The following DNAH2 variants were observed in gnomAD, a reference collection of about 807,000 sequenced individuals.
DNAH2 encodes dynein axonemal heavy chain 2.
DNAH2 carries 323 observed loss-of-function variants against 523.5 expected under a neutral mutation model. The ratio of observed to expected loss-of-function variants is 0.62; its 90% CI spans 0.56 to 0.68. The LOEUF is 0.68. DNAH2 is among the 30% of genes least tolerant of loss of function. The pLI, the probability that DNAH2 is intolerant of heterozygous loss-of-function variation, is 0.00. For synonymous variants in DNAH2, 2,093 were observed against 2,177.4 expected (o/e 0.96, Z 1.08); for missense variants, 4,907 against 5,701.5 (o/e 0.86, Z 4.49).
At chr17:7,736,422 A>C (rs1443277427) in intron 7 of DNAH2, among the ~76,000 whole-genome samples, 1 of 152,230 alleles carries the variant, frequency 6.6e-6, no homozygotes, top group East Asian at 1.9e-4. Flanking sequence ...ATATGCGGCC[A>C]GTTGATCCGA....
At chr17:7,823,716 T>G (rs972764680) in intron 74 of DNAH2, 88 bp downstream of exon 74, 7 of 1,578,526 alleles carry the variant, frequency 4.4e-6, no homozygotes, top group Non-Finnish European at 6.0e-6. Flanking sequence ...CCATCCCCTC[T>G]CCCAGCTGGT....
chr17:7,801,601 C>T lies in DNAH2; in HGVS notation c.8723C>T (p.Ala2908Val). The change falls in exon 57 of 86, where the codon GCC becomes GTC. Residue 2908 changes from alanine (A) to valine (V), a missense_variant. This residue lies in a region of DNAH2 where 1,851 missense variants were observed against 2,139.4 expected (regional missense o/e 0.87). Transcript: ENST00000572933. Reference protein sequence around the residue: ...PFRNWIRQYPALVNCTTINWF... With the variant: ...PFRNWIRQYPVLVNCTTINWF... ...AGGAACTGGATCCGCCAGTACCCAGCCTTGGTGAACTGCACAACCATCAAC... is the reference window on the plus strand; with the variant it reads ...AGGAACTGGATCCGCCAGTACCCAGTCTTGGTGAACTGCACAACCATCAAC... 1 of 1,614,198 alleles carries T rather than the reference C, an allele frequency of 6.2e-7. No individual in the cohort carries two copies. Among genetic ancestry groups the T allele is most frequent in the Non-Finnish European group, 8.5e-7 (1 of 1,180,032 alleles).
intron 20 of DNAH2, 78 bp downstream of exon 20, chr17:7,764,351 G>C: frequency 1.3e-6 from 2 of 1,521,674 alleles, no homozygotes; most frequent in Non-Finnish European, 8.9e-7. Context: ...GCTGTCCTCG[G>C]GGAGAGTAGA....
chr17:7,776,334 T>C (rs2076452366), intron 31 of DNAH2, among the ~76,000 whole-genome samples, 185 bp downstream of exon 31: 1 of 152,094 alleles, frequency 6.6e-6, no homozygotes, highest in African/African-American at 2.4e-5. Flanking sequence ...GGTGTGGTGG[T>C]GTGCTCCTGT....
Position 7,732,994 on chromosome 17 carries a change from G to A in DNAH2, c.400-93G>A, listed in dbSNP as rs939683862. On this transcript the variant is annotated intron_variant, in intron 4 of 85. Transcript: ENST00000572933. ...ATTTAGAGAAGGATCAGGATACCCT[G>A]AGGGACGTGAGAAAGAACTCAGCCG... is the stretch of plus-strand genomic sequence containing the variant. 32 of 1,264,134 alleles carry A rather than the reference G, an allele frequency of 2.5e-5. 1 individual carries two copies. Among genetic ancestry groups the A allele is most frequent in the Non-Finnish European group, 3.5e-5 (31 of 888,348 alleles). 78.3% of individuals were successfully genotyped at this position (1,264,134 alleles called of 1,614,324 possible).
chr17:7,745,817 A>C (rs1158876269), intron 12 of DNAH2, among the ~76,000 whole-genome samples: 1 of 151,852 alleles, frequency 6.6e-6, no homozygotes, highest in Non-Finnish European at 1.5e-5. Flanking sequence ...AAAAGAAAAG[A>C]AAAAAGAAAT....
intron 76 of DNAH2, 23 bp downstream of exon 76, chr17:7,824,327 ACCC>A: frequency 6.8e-7 from 1 of 1,477,308 alleles, no homozygotes; most frequent in South Asian, 1.4e-5. Context: ...CCTTTCTTCC[ACCC>A]CCATCTTCAG....
In DNAH2 at chr17:7,777,601, C is replaced by A; in HGVS notation, c.5214C>A (p.Asp1738Glu). 1 of 1,614,196 alleles carries A rather than the reference C, an allele frequency of 6.2e-7. No individual in the cohort carries two copies. The highest frequency in any genetic ancestry group is 8.5e-7 in the Non-Finnish European group (1 of 1,180,032). The change falls in exon 33 of 86, where the codon GAC becomes GAA. Residue 1738 changes from aspartate to glutamate, a missense_variant. By Grantham distance (45) the Asp-to-Glu change is conservative. This residue lies in a region of DNAH2 where 2,806 missense variants were observed against 3,190.8 expected (regional missense o/e 0.88). Coordinates refer to ENST00000572933, the MANE Select transcript of DNAH2 (RefSeq NM_020877.5). ...GCCTCATGGATGTCAATTCCTTTGA[C>A]TGGCTCAGCCAACTTCGGTTCTACT... ...KSGLMDVNSF[D>E]WLSQLRFYWE...
At chr17:7,820,903 G>A (rs2077832829) in intron 72 of DNAH2, among the ~76,000 whole-genome samples, 1 of 152,112 alleles carries the variant, frequency 6.6e-6, no homozygotes, top group South Asian at 2.1e-4. Context: ...GCCAGGCGTG[G>A]TGATGGGCTC....
chr17:7,826,953 T>C (rs148040341), intron 77 of DNAH2, among the ~76,000 whole-genome samples: 3 of 152,254 alleles, frequency 2.0e-5, no homozygotes, highest in Non-Finnish European at 4.4e-5. Flanking sequence ...TTCTGAATCT[T>C]GTATTTGTCA....
chr17:7,736,106 C>G (rs891098517), intron 7 of DNAH2, among the ~76,000 whole-genome samples: 2 of 152,044 alleles, frequency 1.3e-5, no homozygotes, highest in African/African-American at 4.8e-5. Flanking sequence ...CCAGGCTGGT[C>G]TCAAACTCCT....
rs1935345264 is a variant in DNAH2, at chr17:7,780,734, C to T, written c.5955C>T (p.Arg1985=). 6.2e-7 allele frequency: 1 copy of T among 1,614,156 alleles called. No individual in the cohort carries two copies. Among genetic ancestry groups the T allele is most frequent in the Non-Finnish European group, 8.5e-7 (1 of 1,180,058 alleles). Residue 1985 remains arginine, a synonymous_variant, in exon 38 of 86, where the codon CGC becomes CGT. Transcript: ENST00000572933. This position sits in a 1 kb window ranked among gnomAD's most constrained non-coding sequence, Gnocchi z 4.4. ...FGLRALTSLL[R]YAGKKRRLQP... is the part of the protein sequence containing the mutation. ...TGCGTGCCCTCACCTCCCTTCTGCG[C>T]TATGCTGGCAAGAAGCGCCGCCTAC...
chr17:7,816,934 A>G (rs1184301719), intron 64 of DNAH2, among the ~76,000 whole-genome samples, 199 bp downstream of exon 64: 1 of 152,100 alleles, frequency 6.6e-6, no homozygotes, highest in East Asian at 1.9e-4. Context: ...TTTTTGCATT[A>G]TTAGGGATCT....
At chr17:7,784,019 ATTAGTAAATAATTAGTT>A (rs1484176273) in intron 39 of DNAH2, among the ~76,000 whole-genome samples, 3 of 152,148 alleles carry the variant, frequency 2.0e-5, no homozygotes, top group Admixed American at 6.5e-5. Flanking sequence ...TTTGATAATT[ATTAGTAAATAATTAGTT>A]TTAGTAAATA....
At position 7,832,159 on chromosome 17, in the gene DNAH2, TG is replaced by T. The variant is rs1413084276; in HGVS notation, c.12726+388del. Among the ~76,000 whole-genome samples, 1 of 152,130 alleles carries T rather than the reference TG, an allele frequency of 6.6e-6. No individual in the cohort carries two copies. The highest frequency in any genetic ancestry group is 2.4e-5 in the African/African-American group (1 of 41,418). On this transcript the variant is annotated intron_variant, in intron 82 of 85. Coordinates refer to ENST00000572933, the MANE Select transcript of DNAH2 (RefSeq NM_020877.5). This position sits in a 1 kb window ranked among gnomAD's most constrained non-coding sequence, Gnocchi z 4.3. ...TTGGAGAGCTTTGTTCACCTGTAGT[TG>T]GGGAACAGGGGCTGCCACCACATAG...
At chr17:7,775,643 C>G (rs2076428608) in intron 30 of DNAH2, among the ~76,000 whole-genome samples, 1 of 150,066 alleles carries the variant, frequency 6.7e-6, no homozygotes, top group Non-Finnish European at 1.5e-5. Flanking sequence ...TGAGATTGCG[C>G]CATTGTACTC....
At position 7,798,281 on chromosome 17, in the gene DNAH2, G is replaced by C. The variant is rs1212943849; in HGVS notation, c.8355G>C (p.Gln2785His). ...CCATCTGCGACTACACCACCTTCCA[G>C]ATCGAGGTCACCAAACATTATCGGA... ...ASSICDYTTF[Q>H]IEVTKHYRKQ... The change falls in exon 54 of 86, where the codon CAG (glutamine) becomes CAC (histidine). Residue 2785 changes from glutamine to histidine, a missense_variant. By Grantham distance (24) the Gln-to-His change is conservative. Transcript: ENST00000572933. This position sits in a 1 kb window ranked among gnomAD's most constrained non-coding sequence, Gnocchi z 5.5. 3 of 1,613,654 alleles carry C rather than the reference G, an allele frequency of 1.9e-6. No homozygotes were observed. Among genetic ancestry groups the C allele is most frequent in the Non-Finnish European group, 2.5e-6 (3 of 1,179,598 alleles).
rs572293345 is a variant in DNAH2, at chr17:7,786,836, G to A, written c.6467-61G>A. ...GTGTAGGCTTGTGTCTCCGAGGAGC[G>A]TGAGCGGAGGGTGCAAGGTGAGCGG... On this transcript the variant is annotated intron_variant, in intron 41 of 85. Transcript: ENST00000572933. The surrounding 1 kb of genome is among the most constrained non-coding windows in gnomAD (Gnocchi z 7.5). 7.4e-6 allele frequency: 12 copies of A among 1,610,828 alleles called. No individual in the cohort carries two copies. Among genetic ancestry groups the A allele is most frequent in the Admixed American group, 5.0e-5 (3 of 59,914 alleles).
At chr17:7,724,314 T>C (rs2074723860) in intron 3 of DNAH2, among the ~76,000 whole-genome samples, 1 of 152,008 alleles carries the variant, frequency 6.6e-6, no homozygotes, top group African/African-American at 2.4e-5. Context: ...CCCAAACACA[T>C]TTAATATTAA....
Sources: gnomAD v4.1 joint callset for allele counts (sites outside exome capture counted in the v4.1 genomes callset) on GRCh38, gnomAD v4.1.1 for gene constraint, gnomAD v4.1.1 regional missense constraint, Gnocchi (gnomAD v3.1) non-coding constraint, MANE v1.5 for transcripts, NCBI Gene and HGNC (gene_info 2026-07-23, HGNC 2026-07-21) for gene names.